Variants in CPEB1 observed in about 807,000 individuals in gnomAD.
CPEB1 encodes cytoplasmic polyadenylation element-binding protein 1.
Under a neutral mutation model 65.8 loss-of-function variants are expected in CPEB1, and 7 were observed. That is an observed-to-expected ratio of 0.11 (90% CI 0.06 to 0.20). CPEB1 has a LOEUF of 0.20. Among genes scored for constraint, CPEB1 ranks in the 10% least tolerant of loss-of-function variants. The pLI is 1.00. For synonymous variants in CPEB1, 262 were observed against 260.0 expected, an observed-to-expected ratio of 1.01 and a Z score of -0.08; for missense variants, 551 against 712.2, an observed-to-expected ratio of 0.77 and a Z score of 2.58.
In CPEB1 at chr15:82,630,955, T is replaced by TC. The variant is rs879773817; in HGVS notation, c.-97-2400_-97-2399insG. On this transcript the variant is annotated intron_variant, in intron 1 of 12. Transcript: ENST00000684509. ...TACTGTAATAAAAGTACTATATATA[T>TC]ATGGACTACATGGATTCCAGATCCT... 2.1e-3 allele frequency among the ~76,000 whole-genome samples: 317 copies of TC among 152,206 alleles called. 4 individuals are homozygous for TC. The highest frequency in any genetic ancestry group is 0.015 in the Admixed American group (222 of 15,296).
At chr15:82,581,732 C>T (rs543683052) in intron 3 of CPEB1, among the ~76,000 whole-genome samples, 5 of 152,130 alleles carry the variant, frequency 3.3e-5, no homozygotes, top group Non-Finnish European at 7.4e-5. Flanking sequence ...TTCATGAATC[C>T]CCAATGTTTT....
intron 1 of CPEB1, among the ~76,000 whole-genome samples, chr15:82,633,514 A>C (rs1397345229): frequency 6.6e-6 from 1 of 152,232 alleles, no homozygotes; most frequent in African/African-American, 2.4e-5. Context: ...CTGGGATTAC[A>C]GGCATGTGCC....
At chr15:82,626,009 A>C (rs1477537652) in intron 3 of CPEB1, among the ~76,000 whole-genome samples, 3 of 151,898 alleles carry the variant, frequency 2.0e-5, no homozygotes, top group Admixed American at 2.0e-4. Context: ...AATCCCAGCT[A>C]CTTGGGAGAC....
At chr15:82,549,375 T>C (rs1275399443) in intron 10 of CPEB1, 85 bp downstream of exon 10, 1 of 1,426,138 alleles carries the variant, frequency 7.0e-7, no homozygotes, top group Non-Finnish European at 9.8e-7. Flanking sequence ...CAGGCCTCTC[T>C]CCTCACTCCC....
At chr15:82,644,215 G>A (rs1391873201) in intron 1 of CPEB1, among the ~76,000 whole-genome samples, 2 of 152,150 alleles carry the variant, frequency 1.3e-5, no homozygotes, top group African/African-American at 4.8e-5. Flanking sequence ...CAGCAACTGG[G>A]ATTCCTGCCA....
chr15:82,570,484 C>T (rs1299361453), intron 4 of CPEB1, among the ~76,000 whole-genome samples: 1 of 148,218 alleles, frequency 6.7e-6, no homozygotes, highest in African/African-American at 2.5e-5. Flanking sequence ...TGTAAGTATA[C>T]CTGTAGTGTT....
chr15:82,626,284 A>AT (rs1460873027), intron 3 of CPEB1, among the ~76,000 whole-genome samples: 1 of 150,922 alleles, frequency 6.6e-6, no homozygotes, highest in Non-Finnish European at 1.5e-5. Flanking sequence ...AAATACAAAA[A>AT]TTAGCTGGGT....
chr15:82,571,837 G>C, intron 3 of CPEB1: 1 of 1,163,372 alleles, frequency 8.6e-7, no homozygotes, highest in South Asian at 3.0e-5. Context: ...CCGTGCAATA[G>C]AGAGCGGCAT....
In CPEB1 at chr15:82,544,287, T is replaced by G. The variant is rs1402890930; in HGVS notation, c.*305A>C. 1.8e-5 allele frequency: 4 copies of G among 226,678 alleles called. No individual in the cohort carries two copies. In the Admixed American group the frequency reaches 2.1e-4, roughly 12 times the overall value. 14.0% of individuals were successfully genotyped at this position (226,678 alleles called of 1,614,324 possible). A position where few individuals can be genotyped will look rare whatever the true frequency, so the allele number is the denominator to read the frequency against. The stretch of plus-strand genomic sequence containing the variant: ...TGGACACGTAGTTTTTTTTTTTTTT[T>G]TTTTTTTCCCCGCTTTTCATCTGCA... On this transcript the variant is annotated 3_prime_UTR_variant, in exon 13 of 13. Transcript: ENST00000684509.
At chr15:82,587,904 C>T (rs189551539) in intron 3 of CPEB1, among the ~76,000 whole-genome samples, 2 of 150,478 alleles carry the variant, frequency 1.3e-5, no homozygotes, top group East Asian at 3.9e-4. Flanking sequence ...AGGATAACGG[C>T]CAAATTTTGT....
At chr15:82,618,956 G>C (rs2151285580) in intron 3 of CPEB1, among the ~76,000 whole-genome samples, 1 of 152,240 alleles carries the variant, frequency 6.6e-6, no homozygotes, top group Non-Finnish European at 1.5e-5. Flanking sequence ...GGTGGAGCTT[G>C]GACTGATGAG....
chr15:82,633,613 T>C (rs2046430645), intron 1 of CPEB1, among the ~76,000 whole-genome samples: 1 of 152,250 alleles, frequency 6.6e-6, no homozygotes, highest in Non-Finnish European at 1.5e-5. Context: ...CCTCAGGTGA[T>C]CTGCCTGCCT....
rs539644527 is a variant in CPEB1, at chr15:82,570,435, C to T, written c.460+909G>A. Among the ~76,000 whole-genome samples the T allele has an allele frequency of 1.2e-4, 17 of 138,406 alleles. No individual in the cohort carries two copies. The East Asian group carries it at 3.4e-3, about 27-fold the overall frequency. 90.8% of individuals were successfully genotyped at this position (138,406 alleles called of 152,430 possible). On this transcript the variant is annotated intron_variant, in intron 4 of 12. Transcript: ENST00000684509. The stretch of plus-strand genomic sequence containing the variant: ...TTTCCTAGAGTATCTGCTGCCAATA[C>T]CTCTTTATTATAATTTACATAAAGC...
chr15:82,584,990 T>C (rs533617467), intron 3 of CPEB1, among the ~76,000 whole-genome samples: 3 of 138,968 alleles, frequency 2.2e-5, no homozygotes, highest in Non-Finnish European at 4.5e-5. Flanking sequence ...CAACATCCCC[T>C]AAATAAACTT....
In CPEB1 at chr15:82,556,059, G is replaced by T; in HGVS notation, c.751C>A (p.Pro251Thr). 1 of 1,611,882 alleles carries T rather than the reference G, an allele frequency of 6.2e-7. No individual in the cohort carries two copies. The highest frequency in any genetic ancestry group is 8.5e-7 in the Non-Finnish European group (1 of 1,179,068). Residue 251 changes from proline to threonine, a missense_variant, in exon 6 of 13, where the codon CCT becomes ACT. By Grantham distance (38) the Pro-to-Thr change is conservative. This residue lies in a region of CPEB1 where 128 missense variants were observed against 129.1 expected (regional missense o/e 0.99). Transcript: ENST00000684509. ...LSLSGGGPRD[P>T]LKMGVGSRMD... The stretch of plus-strand genomic sequence containing the variant: ...CGAGACCCTACCCCCATCTTTAAAG[G>T]GTCTCTGGGACCACCCCCTGACAGA...
rs565885629 is a variant in CPEB1 at position 82,626,365 on chromosome 15, T to TG, written c.271+827dup. On this transcript the variant is annotated intron_variant, in intron 3 of 12. Transcript: ENST00000684509. ...AGGATAACCGCTTGAACCAGGGAGT[T>TG]GGAGGTTGCAGTGAGCCGAGATCAC... is the stretch of plus-strand genomic sequence containing the variant. 2.6e-4 allele frequency among the ~76,000 whole-genome samples: 40 copies of TG among 151,586 alleles called. No homozygotes were observed. The East Asian group carries it at 7.6e-3, about 29-fold the overall frequency.
At chr15:82,637,323 A>G (rs538871338) in intron 1 of CPEB1, among the ~76,000 whole-genome samples, 1 of 152,270 alleles carries the variant, frequency 6.6e-6, no homozygotes, top group Admixed American at 6.5e-5. Flanking sequence ...TTCTGCACTT[A>G]CTGACAAGGT....
At chr15:82,644,392 C>T (rs1313743947) in intron 1 of CPEB1, among the ~76,000 whole-genome samples, 2 of 152,228 alleles carry the variant, frequency 1.3e-5, no homozygotes, top group Non-Finnish European at 2.9e-5. Context: ...AATTCCATCA[C>T]TTAACAGCCT....
chr15:82,605,952 C>A (rs145560127), intron 3 of CPEB1, among the ~76,000 whole-genome samples: 2 of 152,102 alleles, frequency 1.3e-5, no homozygotes, highest in African/African-American at 4.8e-5. Flanking sequence ...AGAGGAGAAT[C>A]GCTTGAACCC....
Sources: allele counts gnomAD v4.1 joint callset (sites outside exome capture counted in the v4.1 genomes callset), GRCh38; gene constraint gnomAD v4.1.1; regional missense constraint gnomAD v4.1.1; transcripts MANE v1.5; gene names NCBI Gene and HGNC (gene_info 2026-07-23, HGNC 2026-07-21).